CC2D1A: variants seen among roughly 807,000 people sequenced by gnomAD.
CC2D1A encodes coiled-coil and C2 domain containing 1A.
CC2D1A carries 68 observed loss-of-function variants against 123.8 expected under a neutral mutation model. The ratio of observed to expected loss-of-function variants is 0.55; its 90% confidence interval spans 0.45 to 0.67. The LOEUF is 0.67. Among genes scored for constraint, CC2D1A ranks in the 30% least tolerant of loss-of-function variants. The pLI is 0.00. For missense variants in CC2D1A, 1,185 were observed against 1,290.3 expected (o/e 0.92, Z 1.25); for synonymous variants, 477 against 528.0 (o/e 0.90, Z 1.32).
In CC2D1A at chr19:13,926,971, C is replaced by T. The variant is rs1014156004; in HGVS notation, c.2126-7C>T. 3 of 1,613,922 alleles carry T rather than the reference C, an allele frequency of 1.9e-6. No homozygotes were observed. Among genetic ancestry groups the T allele is most frequent in the Non-Finnish European group, 2.5e-6 (3 of 1,179,840 alleles). On this transcript the variant is annotated splice_polypyrimidine_tract_variant and splice_region_variant and intron_variant, in intron 20 of 28. Transcript: ENST00000318003. ...ACCCAACTTCCTCTCCCTCCTTCCTCCTGCAGAGTTCAAGGAGCAGTTCAA... is the reference window on the plus strand; with the variant it reads ...ACCCAACTTCCTCTCCCTCCTTCCTTCTGCAGAGTTCAAGGAGCAGTTCAA...
Position 13,918,895 on chromosome 19 carries a change from C to T in CC2D1A, c.1019-17C>T, listed in dbSNP as rs777294523. 6.7e-5 allele frequency: 107 copies of T among 1,606,760 alleles called. 1 individual carries two copies. The South Asian group carries it at 1.2e-3, about 17-fold the overall frequency. ...CCCATCCGTTGACTCTTAACCTTGT[C>T]CCCCTGTCCGGCCCAGAGGTGCCCC... is the stretch of plus-strand genomic sequence containing the variant. On this transcript the variant is annotated splice_polypyrimidine_tract_variant and intron_variant, in intron 9 of 28. Coordinates refer to ENST00000318003, the MANE Select transcript of CC2D1A (RefSeq NM_017721.5).
Position 13,909,818 on chromosome 19 carries a change from C to A in CC2D1A, c.61-5C>A, listed in dbSNP as rs1222110262. On this transcript the variant is annotated splice_region_variant and splice_polypyrimidine_tract_variant and intron_variant, in intron 1 of 28. Transcript: ENST00000318003. Reference sequence around the variant, plus strand: ...GGTCTGACTGAACCCTTGCTGTTCCCCTAGCTGGGCCTGCTGGTTGACCTC... The same window carrying A: ...GGTCTGACTGAACCCTTGCTGTTCCACTAGCTGGGCCTGCTGGTTGACCTC... The A allele has an allele frequency of 6.3e-6, 10 of 1,589,192 alleles. No individual in the cohort carries two copies. Among genetic ancestry groups the A allele is most frequent in the Non-Finnish European group, 8.6e-6 (10 of 1,163,364 alleles).
intron 6 of CC2D1A, among the ~76,000 whole-genome samples, chr19:13,917,816 T>C (rs1971258250): frequency 6.6e-6 from 1 of 151,918 alleles, no homozygotes; most frequent in African/African-American, 2.4e-5. Flanking sequence ...CTGTCTCTAC[T>C]AAAAACATAA....
Position 13,927,050 on chromosome 19 carries a change from G to T in CC2D1A, c.2198G>T (p.Gly733Val). 2.5e-6 allele frequency: 4 copies of T among 1,614,096 alleles called. No individual in the cohort carries two copies. The highest frequency in any genetic ancestry group is 1.3e-5 in the African/African-American group (1 of 75,042). Residue 733 changes from glycine (G) to valine (V), a missense_variant, in exon 21 of 29, where the codon GGC becomes GTC. Gly to Val is a moderately radical substitution (Grantham distance 109). Coordinates refer to ENST00000318003, the MANE Select transcript of CC2D1A (RefSeq NM_017721.5). The part of the protein sequence containing the change: ...RGFRRAIQTK[G>V]IKFEVVHKGG... The stretch of plus-strand genomic sequence containing the variant: ...TTCCGAAGGGCCATCCAGACCAAGG[G>T]CATCAAGTTCGAAGTGGTTCACAAG...
rs921545237 is a variant in CC2D1A at position 13,919,707 on chromosome 19, A to T, written c.1223-111A>T. 4.3e-6 allele frequency: 5 copies of T among 1,157,920 alleles called. No homozygotes were observed. In the African/African-American group the frequency reaches 8.1e-5, roughly 19 times the overall value. 71.7% of individuals were successfully genotyped at this position (1,157,920 alleles called of 1,614,324 possible). Reference sequence around the variant, plus strand: ...AAAAAAAAATTAATTAATTAAAAAAAGTAAAGGCCCAAGACTCTATAGGTG... The same window carrying T: ...AAAAAAAAATTAATTAATTAAAAAATGTAAAGGCCCAAGACTCTATAGGTG... On this transcript the variant is annotated intron_variant, in intron 11 of 28. Coordinates refer to ENST00000318003, the MANE Select transcript of CC2D1A (RefSeq NM_017721.5).
At chr19:13,909,550 A>G in intron 1 of CC2D1A, 1 of 476,776 alleles carries the variant, frequency 2.1e-6, no homozygotes, top group Non-Finnish European at 4.0e-6. Flanking sequence ...TGCTTTTCCC[A>G]CTGAACTTGG....
In CC2D1A at chr19:13,930,804, T is replaced by G; in HGVS notation, c.*409T>G. 4.2e-6 allele frequency: 1 copy of G among 238,846 alleles called. No individual in the cohort carries two copies. Among genetic ancestry groups the G allele is most frequent in the Non-Finnish European group, 8.1e-6 (1 of 123,630 alleles). The allele number at this position is 238,846 out of a possible 1,614,324, so 14.8% of individuals were successfully genotyped here. ...CTGAGGCTGGCCGAGCCACACTGTC[T>G]CCCCAGGGGCGTCGACCTGGCCCAG... On this transcript the variant is annotated 3_prime_UTR_variant, in exon 29 of 29. Transcript: ENST00000318003. The surrounding 1 kb of genome is among the most constrained non-coding windows in gnomAD (Gnocchi z 6.8).
intron 6 of CC2D1A, 68 bp downstream of exon 6, chr19:13,913,706 G>T: frequency 2.4e-6 from 3 of 1,235,098 alleles, no homozygotes; most frequent in Non-Finnish European, 2.2e-6. Flanking sequence ...GCTGCTCTAG[G>T]GGGGTGCCGG....
At position 13,926,067 on chromosome 19, in the gene CC2D1A, C is replaced by CATATATGTGTGTATATATATATATAT. The variant is rs1568419143; in HGVS notation, c.1941-449_1941-448insTATATGTGTGTATATATATATATATA. Among the ~76,000 whole-genome samples, 19 of 71,540 alleles carry CATATATGTGTGTATATATATATATAT rather than the reference C, an allele frequency of 2.7e-4. No homozygotes were observed. In the African/African-American group the frequency reaches 2.8e-3, roughly 11 times the overall value. The allele number at this position is 71,540 out of a possible 152,430, so 46.9% of individuals were successfully genotyped here. On this transcript the variant is annotated intron_variant, in intron 17 of 28. Transcript: ENST00000318003. ...ATACACGTATATATATGTATATATA[C>CATATATGTGTGTATATATATATATAT]ACACACACACACACACACACATATA...
chr19:13,909,700 A>C (rs748564269), intron 1 of CC2D1A, 123 bp from the exon 2 acceptor site: 1 of 1,312,232 alleles, frequency 7.6e-7, no homozygotes, highest in Non-Finnish European at 1.1e-6. Context: ...GGCACTCCCC[A>C]GGGAAATGGC....
intron 1 of CC2D1A, among the ~76,000 whole-genome samples, chr19:13,907,538 T>G (rs1173778371): frequency 6.6e-6 from 1 of 151,978 alleles, no homozygotes; most frequent in Non-Finnish European, 1.5e-5. Context: ...CTGGGCATGG[T>G]GGCGGGCACC....
chr19:13,922,375 C>T (rs1971439543), intron 14 of CC2D1A, among the ~76,000 whole-genome samples: 1 of 152,232 alleles, frequency 6.6e-6, no homozygotes, highest in African/African-American at 2.4e-5. Flanking sequence ...ACCAGGCACT[C>T]TGCAACCTCA....
chr19:13,910,466 G>A lies in CC2D1A; in HGVS notation c.196+508G>A, dbSNP rs1418028117. Among the ~76,000 whole-genome samples, 6 of 149,492 alleles carry A rather than the reference G, an allele frequency of 4.0e-5. No individual in the cohort carries two copies. The East Asian group carries it at 5.9e-4, about 15-fold the overall frequency. On this transcript the variant is annotated intron_variant, in intron 2 of 28. Transcript: ENST00000318003. ...GGACCGAGACTGAGAGTTGGAATCC[G>A]AGCTCTGCCACTTACTGGTTATGTG...
At chr19:13,922,553 C>T (rs1020128696) in intron 14 of CC2D1A, among the ~76,000 whole-genome samples, 4 of 152,230 alleles carry the variant, frequency 2.6e-5, no homozygotes, top group Admixed American at 1.3e-4. Context: ...TGCTCCTCCT[C>T]CCAGCTCTGC....
At chr19:13,908,521 T>C (rs7256164) in intron 1 of CC2D1A, among the ~76,000 whole-genome samples, 55,807 of 151,100 alleles carry the variant, frequency 0.37, 14,436 homozygotes, top group African/African-American at 0.74. Context: ...GGCTGGAGTT[T>C]GGTGGCGCAA....
chr19:13,913,489 G>T lies in CC2D1A; in HGVS notation c.599G>T (p.Gly200Val). The T allele has an allele frequency of 6.2e-7, 1 of 1,614,194 alleles. No individual in the cohort carries two copies. The highest frequency in any genetic ancestry group is 8.5e-7 in the Non-Finnish European group (1 of 1,180,042). ...DIPPPVAIGK[G>V]PASTPTYSPA... Reference sequence around the variant, plus strand: ...CCGCCGCCAGTGGCCATAGGAAAAGGCCCGGCGTCCACGCCTACCTACAGC... The same window carrying T: ...CCGCCGCCAGTGGCCATAGGAAAAGTCCCGGCGTCCACGCCTACCTACAGC... Residue 200 changes from glycine (G) to valine (V), a missense_variant, in exon 6 of 29, where the codon GGC becomes GTC. Gly to Val is a moderately radical substitution (Grantham distance 109). Coordinates refer to ENST00000318003, the MANE Select transcript of CC2D1A (RefSeq NM_017721.5).
chr19:13,911,501 A>G (rs1010935129), intron 2 of CC2D1A, among the ~76,000 whole-genome samples: 2 of 151,542 alleles, frequency 1.3e-5, no homozygotes, highest in Non-Finnish European at 2.9e-5. Flanking sequence ...CACAGAGAGA[A>G]AGTTGCAGAG....
rs1402862083 is a variant in CC2D1A at position 13,918,195 on chromosome 19, G to A, written c.873+1G>A. The A allele has an allele frequency of 6.3e-7, 1 of 1,578,068 alleles. No homozygotes were observed. Among genetic ancestry groups the A allele is most frequent in the South Asian group, 1.1e-5 (1 of 87,732 alleles). ...CGCTAGACACTTCCGCGTGGCTAAG[G>A]TGCGTCCAGCCTGACGGACAGGACT... is the stretch of plus-strand genomic sequence containing the variant. On this transcript the variant is annotated splice_donor_variant, in intron 7 of 28. Coordinates refer to ENST00000318003, the MANE Select transcript of CC2D1A (RefSeq NM_017721.5). LOFTEE classifies it high-confidence loss of function.
chr19:13,930,048 A>T lies in CC2D1A; in HGVS notation c.2711-30A>T. The T allele has an allele frequency of 3.1e-6, 5 of 1,606,798 alleles. No homozygotes were observed. The highest frequency in any genetic ancestry group is 3.4e-6 in the Non-Finnish European group (4 of 1,176,778). ...TTGTGGGCAGTGAGGCCCCACCCTA[A>T]GCCTCCATTCCCCCGCCATCCATTC... On this transcript the variant is annotated intron_variant, in intron 26 of 28. Transcript: ENST00000318003. The surrounding 1 kb of genome is among the most constrained non-coding windows in gnomAD (Gnocchi z 6.8).
Sources: gnomAD v4.1 joint callset for allele counts (sites outside exome capture counted in the v4.1 genomes callset) on GRCh38, gnomAD v4.1.1 for gene constraint, Gnocchi (gnomAD v3.1) non-coding constraint, MANE v1.5 for transcripts, NCBI Gene and HGNC (gene_info 2026-07-23, HGNC 2026-07-21) for gene names.